The following SEC14L5 variants were observed in gnomAD, a reference collection of about 807,000 sequenced individuals.
SEC14L5 encodes the protein SEC14-like protein 5.
A neutral mutation model predicts 84.6 loss-of-function variants in SEC14L5; 96 were observed. The ratio of observed to expected loss-of-function variants is 1.13; its 90% CI spans 0.96 to 1.34. SEC14L5 has a LOEUF of 1.34. Ranked by LOEUF, SEC14L5 falls within the 40% of genes most tolerant of loss-of-function variation. The pLI is 0.00. For synonymous variants in SEC14L5, 546 were observed against 383.4 expected, an observed-to-expected ratio of 1.42 and a Z score of -4.95; for missense variants, 1,224 against 942.5, an observed-to-expected ratio of 1.30 and a Z score of -3.91.
At chr16:4,973,371 A>G (rs1038332066) in intron 2 of SEC14L5, among the ~76,000 whole-genome samples, 1 of 140,388 alleles carries the variant, frequency 7.1e-6, no homozygotes, top group African/African-American at 2.6e-5. Context: ...TACAGCTGCA[A>G]TGATGGATTG....
chr16:4,977,745 C>T (rs1188951695), intron 2 of SEC14L5, among the ~76,000 whole-genome samples: 2 of 151,872 alleles, frequency 1.3e-5, no homozygotes, highest in African/African-American at 4.8e-5. Context: ...AGGTAAGGTC[C>T]CTCTCCACTT....
intron 4 of SEC14L5, among the ~76,000 whole-genome samples, 152 bp from the exon 5 acceptor site, chr16:4,990,615 C>T (rs1027805322): frequency 1.3e-5 from 2 of 152,188 alleles, no homozygotes; most frequent in African/African-American, 4.8e-5. Context: ...TGGGTGGGGG[C>T]CCCTTGGTCC....
chr16:4,996,227 G>C, intron 6 of SEC14L5, 121 bp from the exon 7 acceptor site: 1 of 631,966 alleles, frequency 1.6e-6, no homozygotes, highest in Non-Finnish European at 2.9e-6. Flanking sequence ...CGGGGGCTTA[G>C]CCTGGTTTGG....
intron 5 of SEC14L5, among the ~76,000 whole-genome samples, chr16:4,991,162 CT>C (rs35980290): frequency 0.016 from 1,330 of 85,484 alleles, 18 homozygotes; most frequent in African/African-American, 0.041. Context: ...TTCTGTGGTG[CT>C]TTTTTTTTTT....
chr16:4,978,820 C>G (rs1398219265), intron 2 of SEC14L5, among the ~76,000 whole-genome samples: 2 of 152,152 alleles, frequency 1.3e-5, no homozygotes, highest in African/African-American at 2.4e-5. Flanking sequence ...CCAGGATGGT[C>G]TCGATCGCTT....
At chr16:4,980,676 C>CTGTTA (rs1955412325) in intron 2 of SEC14L5, among the ~76,000 whole-genome samples, 1 of 152,140 alleles carries the variant, frequency 6.6e-6, no homozygotes, top group African/African-American at 2.4e-5. Context: ...CACAAGTCTC[C>CTGTTA]TGTTACAAGG....
rs1955882725 is a variant in SEC14L5 at position 5,017,061 on chromosome 16, A to G, written c.*2091A>G. Reference sequence around the variant, plus strand: ...GCTTTTCTCTTAAAAACTAGGTGTTATCCTACAAGTATGCTGGGATAAGCT... The same window carrying G: ...GCTTTTCTCTTAAAAACTAGGTGTTGTCCTACAAGTATGCTGGGATAAGCT... On this transcript the variant is annotated 3_prime_UTR_variant, in exon 16 of 16. Coordinates refer to ENST00000251170, the MANE Select transcript of SEC14L5 (RefSeq NM_014692.2). 1 of 152,190 alleles carries G rather than the reference A, an allele frequency of 6.6e-6. No homozygotes were observed. Among genetic ancestry groups the G allele is most frequent in the African/African-American group, 2.4e-5 (1 of 41,444 alleles). The allele number at this position is 152,190 out of a possible 1,614,324, so 9.4% of individuals were successfully genotyped here.
Position 4,996,869 on chromosome 16 carries a change from G to A in SEC14L5, c.795G>A (p.Glu265=), listed in dbSNP as rs1294087887. ...TTGTCTCTCAGATTCCCAAAGATGA[G>A]CACATCCTTCGGTTCCTGCGGGCTC... ...ETHKGKIPKD[E]HILRFLRAHD... is the part of the protein sequence containing the mutation. Residue 265 remains glutamate (E), a synonymous_variant, in exon 8 of 16, where the codon GAG becomes GAA. Transcript: ENST00000251170. 3 of 1,612,166 alleles carry A rather than the reference G, an allele frequency of 1.9e-6. No homozygotes were observed. Among genetic ancestry groups the A allele is most frequent in the Middle Eastern group, 1.6e-4 (1 of 6,066 alleles).
chr16:4,971,633 C>T (rs1955281418), intron 2 of SEC14L5, among the ~76,000 whole-genome samples: 1 of 152,204 alleles, frequency 6.6e-6, no homozygotes, highest in South Asian at 2.1e-4. Context: ...CAGAACCTAG[C>T]TCTCTGAAGG....
At chr16:5,010,145 C>G (rs971162802) in intron 14 of SEC14L5, among the ~76,000 whole-genome samples, 17 of 132,768 alleles carry the variant, frequency 1.3e-4, no homozygotes, top group Admixed American at 2.7e-4. Flanking sequence ...GAGTTCGAGA[C>G]CAGCCTGGCC....
intron 2 of SEC14L5, among the ~76,000 whole-genome samples, chr16:4,980,396 C>T (rs1014738096): frequency 1.8e-4 from 27 of 152,138 alleles, no homozygotes; most frequent in East Asian, 5.8e-4. Context: ...GCCTCCCCTC[C>T]GTGCCTGTTA....
At chr16:4,987,524 C>A (rs770569927) in intron 2 of SEC14L5, 33 bp from the exon 3 acceptor site, 14 of 1,514,170 alleles carry the variant, frequency 9.2e-6, no homozygotes, top group East Asian at 2.6e-5. Flanking sequence ...CTGCCCCCCC[C>A]ACCACGGCCG....
intron 8 of SEC14L5, among the ~76,000 whole-genome samples, chr16:4,998,126 C>G (rs149612317): frequency 2.6e-5 from 4 of 151,802 alleles, no homozygotes; most frequent in South Asian, 2.1e-4. Context: ...CTGCGTCAGC[C>G]TCCTGAGTAG....
chr16:4,995,418 T>C (rs927996237), intron 6 of SEC14L5, among the ~76,000 whole-genome samples: 1 of 152,144 alleles, frequency 6.6e-6, no homozygotes, highest in African/African-American at 2.4e-5. Context: ...CCCAGGCTGC[T>C]AAAGAGAGCA....
At chr16:5,007,587 T>C (rs368609385) in intron 13 of SEC14L5, 101 bp downstream of exon 13, 1 of 909,530 alleles carries the variant, frequency 1.1e-6, no homozygotes, top group Non-Finnish European at 1.6e-6. Flanking sequence ...TCTTTTTTCT[T>C]TTCTTTCTTT....
chr16:4,966,584 C>A (rs956643640), intron 2 of SEC14L5, among the ~76,000 whole-genome samples: 2 of 152,128 alleles, frequency 1.3e-5, no homozygotes, highest in Non-Finnish European at 2.9e-5. Context: ...CCAGACACTG[C>A]TCTGAGTCTA....
In SEC14L5 at chr16:4,990,778, G is replaced by A. The variant is rs758430850; in HGVS notation, c.357G>A (p.Glu119=). 2 of 1,608,576 alleles carry A rather than the reference G, an allele frequency of 1.2e-6. No individual in the cohort carries two copies. Among genetic ancestry groups the A allele is most frequent in the Admixed American group, 1.7e-5 (1 of 59,364 alleles). The change falls in exon 5 of 16, where the codon GAG becomes GAA. Residue 119 remains glutamate (E), a synonymous_variant. Coordinates refer to ENST00000251170, the MANE Select transcript of SEC14L5 (RefSeq NM_014692.2). ...TGCCTGGCTTTCAGGTCCACCCTGAGAATGAAGACTGGACTTGCTTCGAGC... is the reference window on the plus strand; with the variant it reads ...TGCCTGGCTTTCAGGTCCACCCTGAAAATGAAGACTGGACTTGCTTCGAGC... ...NEHCSYTVHP[E]NEDWTCFEQS...
intron 12 of SEC14L5, among the ~76,000 whole-genome samples, chr16:5,006,851 C>A (rs1003213703): frequency 2.0e-5 from 3 of 151,628 alleles, no homozygotes; most frequent in Non-Finnish European, 4.4e-5. Flanking sequence ...TGGGGGTAAT[C>A]ATTGTTTGGT....
At chr16:4,960,638 C>CGAGT (rs1955110547) in intron 2 of SEC14L5, 1 of 152,192 alleles carries the variant, frequency 6.6e-6, no homozygotes, top group Non-Finnish European at 1.5e-5. Context: ...TTCTAGCTCC[C>CGAGT]CAATTGACGA....
Sources: allele counts gnomAD v4.1 joint callset (sites outside exome capture counted in the v4.1 genomes callset), GRCh38; gene constraint gnomAD v4.1.1; transcripts MANE v1.5; gene names NCBI Gene and HGNC (gene_info 2026-07-23, HGNC 2026-07-21).